MARCHF10: variants seen among roughly 807,000 people sequenced by gnomAD.
MARCHF10 encodes the protein probable E3 ubiquitin-protein ligase MARCHF10.
A neutral mutation model predicts 76.2 loss-of-function variants in MARCHF10; 64 were observed. The ratio of observed to expected loss-of-function variants is 0.84; its 90% CI spans 0.69 to 1.03. The LOEUF (loss-of-function observed/expected upper bound fraction) is 1.03, where lower values mean the gene tolerates loss of function less well. MARCHF10 is among the 50% of genes least tolerant of loss of function. The pLI is 0.00. For synonymous variants in MARCHF10, 340 were observed against 357.5 expected (o/e 0.95, Z 0.55); for missense variants, 875 against 958.0 (o/e 0.91, Z 1.14).
intron 2 of MARCHF10, among the ~76,000 whole-genome samples, chr17:62,793,148 C>A (rs1451739326): frequency 1.4e-5 from 2 of 145,172 alleles, no homozygotes; most frequent in African/African-American, 5.1e-5. Flanking sequence ...ACCACCATCA[C>A]CACCACCATC....
intron 8 of MARCHF10, among the ~76,000 whole-genome samples, chr17:62,720,326 A>C (rs2090419646): frequency 6.6e-6 from 1 of 152,192 alleles, no homozygotes; most frequent in Non-Finnish European, 1.5e-5. Flanking sequence ...GGAGAGGGGA[A>C]GTATTCTACA....
chr17:62,786,609 G>A (rs2092752376), intron 3 of MARCHF10, among the ~76,000 whole-genome samples: 1 of 152,088 alleles, frequency 6.6e-6, no homozygotes, highest in African/African-American at 2.4e-5. Flanking sequence ...TATTATAGAA[G>A]CTATTTCACA....
At chr17:62,751,378 A>T (rs1183205969) in intron 4 of MARCHF10, among the ~76,000 whole-genome samples, 1 of 152,052 alleles carries the variant, frequency 6.6e-6, no homozygotes, top group African/African-American at 2.4e-5. Flanking sequence ...GTCACCTGGG[A>T]CTTCTTAGCA....
rs189555984 is a variant in MARCHF10, at chr17:62,741,949, C to T, written c.535+2427G>A. On this transcript the variant is annotated intron_variant, in intron 5 of 10. Transcript: ENST00000311269. Reference sequence around the variant, plus strand: ...TCCTGACCTTGTGATCCACCTGCCTCGGCCTCCCAGAGTGCTGGGATTACA... The same window carrying T: ...TCCTGACCTTGTGATCCACCTGCCTTGGCCTCCCAGAGTGCTGGGATTACA... Among the ~76,000 whole-genome samples, 991 of 151,422 alleles carry T rather than the reference C, an allele frequency of 6.5e-3. 9 individuals are homozygous for T. The highest frequency in any genetic ancestry group is 0.023 in the African/African-American group (928 of 40,854).
At chr17:62,796,301 C>T (rs1026895589) in intron 2 of MARCHF10, among the ~76,000 whole-genome samples, 24 of 152,144 alleles carry the variant, frequency 1.6e-4, no homozygotes, top group Non-Finnish European at 3.1e-4. Flanking sequence ...CTACATCATG[C>T]AATTGATTCT....
At chr17:62,722,390 A>C (rs2090535206) in intron 8 of MARCHF10, 98 bp downstream of exon 8, 2 of 790,522 alleles carry the variant, frequency 2.5e-6, no homozygotes, top group African/African-American at 3.4e-5. Context: ...GCCAGCAGAG[A>C]CCTTCTACAT....
At chr17:62,734,277 G>A (rs182293444) in intron 6 of MARCHF10, among the ~76,000 whole-genome samples, 47 of 152,128 alleles carry the variant, frequency 3.1e-4, no homozygotes, top group African/African-American at 1.1e-3. Context: ...GATGATAAAC[G>A]CAATACAGGA....
chr17:62,781,600 C>T (rs1027619871), intron 3 of MARCHF10, among the ~76,000 whole-genome samples: 1 of 152,182 alleles, frequency 6.6e-6, no homozygotes, highest in Admixed American at 6.5e-5. Context: ...CCAACTGCTG[C>T]ATAACCAGCA....
At chr17:62,771,857 G>A (rs549871379) in intron 3 of MARCHF10, among the ~76,000 whole-genome samples, 202 of 152,122 alleles carry the variant, frequency 1.3e-3, no homozygotes, top group Non-Finnish European at 2.5e-3. Context: ...GATTACAGGC[G>A]CAAGCCACCA....
intron 10 of MARCHF10, 133 bp from the exon 11 acceptor site, chr17:62,701,891 C>CGGT (rs2089260654): frequency 3.4e-6 from 4 of 1,186,128 alleles, no homozygotes; most frequent in Non-Finnish European, 4.9e-6. Context: ...GCCACAGTGC[C>CGGT]TGGAACCGTG....
At chr17:62,756,544 T>C (rs2092049793) in intron 4 of MARCHF10, among the ~76,000 whole-genome samples, 1 of 152,204 alleles carries the variant, frequency 6.6e-6, no homozygotes, top group Admixed American at 6.5e-5. Context: ...GAAAACAAAG[T>C]TTTCTAGTCC....
intron 10 of MARCHF10, chr17:62,704,914 G>A (rs918828763): frequency 1.0e-6 from 1 of 983,152 alleles, no homozygotes; most frequent in South Asian, 4.7e-5. Flanking sequence ...CTTCGAGCCC[G>A]CCTGCTTTAT....
chr17:62,729,102 GTTAT>G (rs1489966800), intron 6 of MARCHF10, among the ~76,000 whole-genome samples: 7 of 151,932 alleles, frequency 4.6e-5, no homozygotes, highest in South Asian at 2.1e-4. Flanking sequence ...ACCACCCCAG[GTTAT>G]TTATTTATTT....
In MARCHF10 at chr17:62,736,651, T is replaced by A. The variant is rs1463598935; in HGVS notation, c.1217A>T (p.Lys406Ile). ...AKKSPLSWDT[K>I]SEPRQEVGVN... ...ACCAACCTCTTGTCTGGGCTCGGAT[T>A]TGGTGTCCCACGAAAGAGGGCTCTT... The change falls in exon 6 of 11, where the codon AAA becomes ATA. Residue 406 changes from lysine (K) to isoleucine (I), a missense_variant. Transcript: ENST00000311269. The A allele has an allele frequency of 6.2e-7, 1 of 1,614,084 alleles. No individual in the cohort carries two copies. Among genetic ancestry groups the A allele is most frequent in the African/African-American group, 1.3e-5 (1 of 74,920 alleles).
intron 3 of MARCHF10, among the ~76,000 whole-genome samples, chr17:62,785,966 T>C (rs923291612): frequency 2.0e-5 from 3 of 151,844 alleles, no homozygotes; most frequent in East Asian, 1.9e-4. Context: ...GAACTGAAGA[T>C]AGTGTGGCAA....
At chr17:62,794,468 T>G (rs2092951047) in intron 2 of MARCHF10, among the ~76,000 whole-genome samples, 1 of 152,240 alleles carries the variant, frequency 6.6e-6, no homozygotes, top group Admixed American at 6.5e-5. Flanking sequence ...GGTTCATCCT[T>G]GTTTTTCTGC....
At chr17:62,807,819 G>A (rs1416923315) in intron 1 of MARCHF10, among the ~76,000 whole-genome samples, 3 of 152,162 alleles carry the variant, frequency 2.0e-5, no homozygotes, top group East Asian at 1.9e-4. Context: ...GTGGGCCATG[G>A]TCTGTGTATA....
chr17:62,776,612 T>C (rs1281210850), intron 3 of MARCHF10, among the ~76,000 whole-genome samples: 1 of 152,240 alleles, frequency 6.6e-6, no homozygotes, highest in Non-Finnish European at 1.5e-5. Context: ...TCCAGCACCC[T>C]GGTCTGCCTA....
intron 6 of MARCHF10, among the ~76,000 whole-genome samples, chr17:62,727,822 G>C (rs1391036986): frequency 6.6e-6 from 1 of 152,198 alleles, no homozygotes; most frequent in African/African-American, 2.4e-5. Context: ...ATGGAGAAGG[G>C]AAGGGCAGAC....
Sources: gnomAD v4.1 joint callset for allele counts (sites outside exome capture counted in the v4.1 genomes callset) on GRCh38, gnomAD v4.1.1 for gene constraint, MANE v1.5 for transcripts, NCBI Gene and HGNC (gene_info 2026-07-23, HGNC 2026-07-21) for gene names.